RBFOX1: variants seen among roughly 807,000 people sequenced by gnomAD.
The protein encoded by RBFOX1 is RNA binding fox-1 homolog 1.
In RBFOX1, 8 loss-of-function variants were observed where a neutral mutation model predicts 57.7. The observed-to-expected ratio is 0.14, with a 90% CI of 0.08 to 0.25. The LOEUF (loss-of-function observed/expected upper bound fraction) is 0.25. Ranked by LOEUF, RBFOX1 falls within the 10% of genes least tolerant of loss-of-function variation. The pLI, the probability that RBFOX1 is intolerant of heterozygous loss-of-function variation, is 1.00. For missense variants in RBFOX1, 611 were observed against 548.5 expected (o/e 1.11, Z -1.14); for synonymous variants, 326 against 222.4 (o/e 1.47, Z -4.15).
intron 1 of RBFOX1, among the ~76,000 whole-genome samples, chr16:6,121,179 C>T (rs1369602230): frequency 2.0e-5 from 3 of 152,180 alleles, no homozygotes; most frequent in African/African-American, 7.2e-5. Context: ...AAAATACATG[C>T]ACTGCAGGTT....
At chr16:6,001,115 G>T (rs2060592334) in intron 4 of RBFOX1, among the ~76,000 whole-genome samples, 1 of 152,138 alleles carries the variant, frequency 6.6e-6, no homozygotes, top group Non-Finnish European at 1.5e-5. Flanking sequence ...CTTAGCCTCT[G>T]CCCACTTCTT....
At chr16:7,303,663 G>A (rs1305028252) in intron 4 of RBFOX1, among the ~76,000 whole-genome samples, 2 of 152,112 alleles carry the variant, frequency 1.3e-5, no homozygotes, top group African/African-American at 4.8e-5. Flanking sequence ...GACAAATGAG[G>A]AGACAGACAG....
At chr16:5,467,188 C>CTG (rs1221750949) in intron 1 of RBFOX1, 1 of 1,463,646 alleles carries the variant, frequency 6.8e-7, no homozygotes, top group Non-Finnish European at 9.2e-7. Flanking sequence ...CTCTCTCTCT[C>CTG]TCTCTCTCTT....
At position 5,275,939 on chromosome 16, in the gene RBFOX1, A is replaced by G. The variant is rs189325899; in HGVS notation, c.219+35834A>G. ...TAAACAAAAGCAAAGTAAGGAAAGT[A>G]CACCCTATTCAACAAATAGTGCTGG... On this transcript the variant is annotated intron_variant, in intron 1 of 2. Transcript: ENST00000585867. 2.0e-3 allele frequency among the ~76,000 whole-genome samples: 311 copies of G among 152,330 alleles called. 2 individuals carry two copies. The highest frequency in any genetic ancestry group is 7.1e-3 in the African/African-American group (297 of 41,592).
chr16:7,626,488 C>A (rs528295134), intron 10 of RBFOX1, among the ~76,000 whole-genome samples: 2 of 152,212 alleles, frequency 1.3e-5, no homozygotes, highest in South Asian at 2.1e-4. Context: ...AGTGGGCGAA[C>A]GTGACAGGCT....
chr16:5,837,135 G>C (rs374165286), intron 3 of RBFOX1, among the ~76,000 whole-genome samples: 1 of 151,824 alleles, frequency 6.6e-6, no homozygotes. Context: ...CTCCTGCTTC[G>C]CTCAAATCCC....
intron 4 of RBFOX1, among the ~76,000 whole-genome samples, chr16:7,096,020 AAAAAAAAAAG>A (rs2151233377): frequency 6.6e-6 from 1 of 151,520 alleles, no homozygotes; most frequent in African/African-American, 2.4e-5. Flanking sequence ...CTCAAAAAAA[AAAAAAAAAAG>A]AAAAGAAAAG....
At chr16:6,506,760 C>A (rs963659847) in intron 2 of RBFOX1, among the ~76,000 whole-genome samples, 1 of 148,354 alleles carries the variant, frequency 6.7e-6, no homozygotes, top group Admixed American at 6.9e-5. Context: ...GATTCTCAGG[C>A]CTTACCCTCC....
intron 1 of RBFOX1, among the ~76,000 whole-genome samples, chr16:5,421,447 C>T (rs1052262766): frequency 3.3e-5 from 5 of 152,174 alleles, no homozygotes; most frequent in African/African-American, 9.7e-5. Flanking sequence ...GGGGTGTCCA[C>T]GTGCAAGTGT....
intron 14 of RBFOX1, among the ~76,000 whole-genome samples, chr16:7,699,247 A>G (rs1008622995): frequency 2.0e-5 from 3 of 147,354 alleles, no homozygotes; most frequent in Non-Finnish European, 1.5e-5. Flanking sequence ...GTTCAGTGCA[A>G]TAGCCTGATC....
In RBFOX1 at chr16:6,861,823, G is replaced by GTTTTTTTTTTTTT. The variant is rs35138717; in HGVS notation, c.-15-190225_-15-190213dup. On this transcript the variant is annotated intron_variant, in intron 3 of 15. Coordinates refer to ENST00000550418, the MANE Select transcript of RBFOX1 (RefSeq NM_018723.4). ...CCTCTTTCCTAGCCAGCGTCCCTTG[G>GTTTTTTTTTTTTT]TTTTTTTTTTTTTTTTTTTTTGGTT... Among the ~76,000 whole-genome samples the GTTTTTTTTTTTTT allele has an allele frequency of 8.9e-4, 82 of 92,426 alleles. 1 individual carries two copies. The highest frequency in any genetic ancestry group is 1.2e-3 in the African/African-American group (28 of 23,332). The allele number at this position is 92,426 out of a possible 152,430, so 60.6% of individuals were successfully genotyped here. A position where few individuals can be genotyped will look rare whatever the true frequency, so the allele number is the denominator to read the frequency against.
At chr16:5,263,287 T>C (rs1234522246) in intron 1 of RBFOX1, among the ~76,000 whole-genome samples, 1 of 152,086 alleles carries the variant, frequency 6.6e-6, no homozygotes, top group African/African-American at 2.4e-5. Flanking sequence ...CAAAAATAAT[T>C]GCTGTTTTTG....
chr16:7,173,775 A>G (rs1197192827), intron 4 of RBFOX1, among the ~76,000 whole-genome samples: 1 of 152,206 alleles, frequency 6.6e-6, no homozygotes, highest in Non-Finnish European at 1.5e-5. Context: ...TGCAGCACAA[A>G]GCATCATAAA....
intron 3 of RBFOX1, among the ~76,000 whole-genome samples, chr16:6,869,070 T>C (rs1470887688): frequency 6.6e-6 from 1 of 152,192 alleles, no homozygotes; most frequent in African/African-American, 2.4e-5. Flanking sequence ...AAACTTCCAT[T>C]GCTATAAGCC....
intron 3 of RBFOX1, among the ~76,000 whole-genome samples, chr16:7,042,849 C>T (rs1402848381): frequency 1.3e-5 from 2 of 152,170 alleles, no homozygotes; most frequent in African/African-American, 2.4e-5. Context: ...TCACTTGAAC[C>T]TGGGAGGTGG....
intron 3 of RBFOX1, among the ~76,000 whole-genome samples, chr16:6,748,454 A>T (rs1603511853): frequency 1.3e-5 from 2 of 152,280 alleles, no homozygotes; most frequent in African/African-American, 4.8e-5. Flanking sequence ...TAAGCCCAGG[A>T]GTTCAAGACC....
intron 1 of RBFOX1, among the ~76,000 whole-genome samples, chr16:6,283,942 G>T (rs1440401870): frequency 6.6e-6 from 1 of 152,202 alleles, no homozygotes; most frequent in African/African-American, 2.4e-5. Context: ...GAAAAGGAAG[G>T]TTTTCCAAGT....
chr16:7,198,695 C>T (rs1203862362), intron 4 of RBFOX1, among the ~76,000 whole-genome samples: 3 of 152,174 alleles, frequency 2.0e-5, no homozygotes, highest in South Asian at 2.1e-4. Flanking sequence ...TAACAATCCA[C>T]TCACATGATA....
At chr16:5,578,977 A>T (rs989131598) in intron 2 of RBFOX1, among the ~76,000 whole-genome samples, 4 of 150,992 alleles carry the variant, frequency 2.6e-5, no homozygotes, top group Non-Finnish European at 5.9e-5. Context: ...CCTTCTGAGT[A>T]GCTGGGACTA....
Sources: allele counts gnomAD v4.1 joint callset (sites outside exome capture counted in the v4.1 genomes callset), GRCh38; gene constraint gnomAD v4.1.1; transcripts MANE v1.5; gene names NCBI Gene and HGNC (gene_info 2026-07-23, HGNC 2026-07-21).